ZBTB44: variants seen among roughly 807,000 people sequenced by gnomAD.
ZBTB44 encodes the protein zinc finger and BTB domain-containing protein 44.
Under a neutral mutation model 54.0 loss-of-function variants are expected in ZBTB44, and 15 were observed. The ratio of observed to expected loss-of-function variants is 0.28; its 90% CI spans 0.19 to 0.43. ZBTB44 has a LOEUF of 0.43. ZBTB44 is among the 20% of genes least tolerant of loss of function. The pLI, the probability that ZBTB44 is intolerant of heterozygous loss-of-function variation, is 1.00. For missense variants in ZBTB44, 487 were observed against 707.1 expected (o/e 0.69, Z 3.53); for synonymous variants, 230 against 250.1 (o/e 0.92, Z 0.76).
chr11:130,253,523 G>A (rs1341340311), intron 2 of ZBTB44, among the ~76,000 whole-genome samples: 1 of 152,124 alleles, frequency 6.6e-6, no homozygotes, highest in Non-Finnish European at 1.5e-5. Flanking sequence ...GGACATGAAG[G>A]AACTCTTCAA....
rs541840392 is a variant in ZBTB44 at position 130,255,388 on chromosome 11, C to T, written c.1018+5468G>A. ...CAAAGAGACAAGGTACCAGAATCTC[C>T]GGGACATGCTAAAGCACAGTTGAGA... On this transcript the variant is annotated intron_variant, in intron 2 of 7. Transcript: ENST00000357899. 1.6e-4 allele frequency among the ~76,000 whole-genome samples: 24 copies of T among 152,184 alleles called. No individual in the cohort carries two copies. The South Asian group carries it at 3.9e-3, about 25-fold the overall frequency.
Position 130,308,145 on chromosome 11 carries a change from C to T in ZBTB44, c.-57+6230G>A, listed in dbSNP as rs76579734. Among the ~76,000 whole-genome samples, 257 of 152,268 alleles carry T rather than the reference C, an allele frequency of 1.7e-3. 4 individuals are homozygous for T. In the East Asian group the frequency reaches 0.041, roughly 24 times the overall value. ...AGTACAGTAACATGCTGTACAGATA[C>T]GTGGCCTAGGAGCAACAGGCTATAC... On this transcript the variant is annotated intron_variant, in intron 1 of 7. Transcript: ENST00000357899.
intron 3 of ZBTB44, chr11:130,238,848 C>CT: frequency 2.9e-6 from 1 of 341,370 alleles, no homozygotes; most frequent in Non-Finnish European, 5.2e-6. Context: ...TCGTGTAGGG[C>CT]TTTAGAAGGC....
rs759318247 is a variant in ZBTB44, at chr11:130,261,224, T to C, written c.650A>G (p.Asn217Ser). ...VLNSSASYSE[N>S]RNQPVDSSLA... is the part of the protein sequence containing the mutation. Reference sequence around the variant, plus strand: ...GGAAGAGTCAACTGGTTGGTTTCTATTTTCTGAGTAGGAAGCTGAAGAATT... The same window carrying C: ...GGAAGAGTCAACTGGTTGGTTTCTACTTTCTGAGTAGGAAGCTGAAGAATT... The change falls in exon 2 of 8, where the codon AAT becomes AGT. Residue 217 changes from asparagine to serine, a missense_variant. Physicochemically the swap from Asn to Ser is conservative, Grantham distance 46. Around this residue, in one of 3 missense-constraint regions of ZBTB44, gnomAD observed 277 missense variants for 306.5 expected, o/e 0.90. Coordinates refer to ENST00000357899, the MANE Select transcript of ZBTB44 (RefSeq NM_001301098.2). This position sits in a 1 kb window ranked among gnomAD's most constrained non-coding sequence, Gnocchi z 4.8. The C allele has an allele frequency of 1.9e-5, 31 of 1,613,856 alleles. No homozygotes were observed.
intron 1 of ZBTB44, among the ~76,000 whole-genome samples, chr11:130,280,189 CA>C (rs1940403472): frequency 6.6e-6 from 1 of 151,954 alleles, no homozygotes; most frequent in South Asian, 2.1e-4. Context: ...AGTGCATTTG[CA>C]ATTATAATAA....
chr11:130,269,608 A>G (rs1272535409), intron 1 of ZBTB44, among the ~76,000 whole-genome samples: 1 of 152,252 alleles, frequency 6.6e-6, no homozygotes, highest in Non-Finnish European at 1.5e-5. Context: ...TACAAAAAAG[A>G]ACCTACAATT....
At chr11:130,258,679 G>C (rs1938618753) in intron 2 of ZBTB44, among the ~76,000 whole-genome samples, 1 of 152,182 alleles carries the variant, frequency 6.6e-6, no homozygotes, top group Non-Finnish European at 1.5e-5. Flanking sequence ...AAGACTATGT[G>C]ACACAGACTA....
intron 1 of ZBTB44, chr11:130,295,872 G>C (rs113633324): frequency 7.0e-7 from 1 of 1,432,518 alleles, no homozygotes; most frequent in Admixed American, 1.7e-5. Context: ...AGGAGCTAAA[G>C]ACTCACCACG....
At chr11:130,262,575 T>G (rs958220669) in intron 1 of ZBTB44, among the ~76,000 whole-genome samples, 2 of 152,192 alleles carry the variant, frequency 1.3e-5, no homozygotes, top group African/African-American at 4.8e-5. Context: ...CATATCTCTA[T>G]CAGTAGGCGT....
Position 130,233,307 on chromosome 11 carries a change from C to T in ZBTB44, c.*48+1G>A, listed in dbSNP as rs1391051889. On this transcript the variant is annotated splice_donor_variant, in intron 7 of 7. Transcript: ENST00000357899. LOFTEE classifies it low-confidence loss of function (3UTR_SPLICE). ...TTCCTATGAAGCTGGGATTTACATACTTCATTCTCCGTTCCTGGTCATTTC... is the reference window on the plus strand; with the variant it reads ...TTCCTATGAAGCTGGGATTTACATATTTCATTCTCCGTTCCTGGTCATTTC... 6.6e-7 allele frequency: 1 copy of T among 1,522,462 alleles called. No individual in the cohort carries two copies. The highest frequency in any genetic ancestry group is 1.4e-5 in the African/African-American group (1 of 72,424). 94.3% of individuals were successfully genotyped at this position (1,522,462 alleles called of 1,614,324 possible).
In ZBTB44 at chr11:130,261,113, AAAG is replaced by A; in HGVS notation, c.758_760del (p.Thr253_Leu254delinsIle). ...GGTCTCAGATGGGCCAGGTAATTCT[AAAG>A]TCCGGGTATTTTCTGCTTGCTTAAC... is the stretch of plus-strand genomic sequence containing the variant. On this transcript the variant is annotated inframe_deletion, in exon 2 of 8. Coordinates refer to ENST00000357899, the MANE Select transcript of ZBTB44 (RefSeq NM_001301098.2). The surrounding 1 kb of genome is among the most constrained non-coding windows in gnomAD (Gnocchi z 4.8). 1 of 1,613,982 alleles carries A rather than the reference AAAG, an allele frequency of 6.2e-7. No individual in the cohort carries two copies. The highest frequency in any genetic ancestry group is 1.3e-5 in the African/African-American group (1 of 75,040).
chr11:130,287,434 T>C (rs1194983730), intron 1 of ZBTB44, among the ~76,000 whole-genome samples: 1 of 152,232 alleles, frequency 6.6e-6, no homozygotes, highest in Non-Finnish European at 1.5e-5. Context: ...ATTAGTTTTT[T>C]CTCTGTGCTT....
intron 1 of ZBTB44, among the ~76,000 whole-genome samples, chr11:130,311,422 T>C (rs2134553913): frequency 6.6e-6 from 1 of 152,212 alleles, no homozygotes; most frequent in Admixed American, 6.5e-5. Context: ...TTGCCCAGGC[T>C]GGCCTTGAAC....
intron 2 of ZBTB44, among the ~76,000 whole-genome samples, chr11:130,251,950 G>GC (rs532352526): frequency 9.3e-4 from 142 of 152,258 alleles, no homozygotes; most frequent in African/African-American, 3.2e-3. Context: ...TGGGCTAAAT[G>GC]CCCCAATTAA....
At position 130,227,528 on chromosome 11, in the gene ZBTB44, C is replaced by G. The variant is rs1001083886; in HGVS notation, c.*4236G>C. 2.9e-4 allele frequency: 44 copies of G among 152,244 alleles called. No individual in the cohort carries two copies. Among genetic ancestry groups the G allele is most frequent in the African/African-American group, 1.0e-3 (43 of 41,522 alleles). 9.4% of individuals were successfully genotyped at this position (152,244 alleles called of 1,614,324 possible). On this transcript the variant is annotated 3_prime_UTR_variant, in exon 8 of 8. Coordinates refer to ENST00000357899, the MANE Select transcript of ZBTB44 (RefSeq NM_001301098.2). ...GCTATAACTGGCAGGGTAAAAAAGT[C>G]CCCCCGCCCCGACTTCCTTGCTGCC... is the stretch of plus-strand genomic sequence containing the variant.
chr11:130,288,412 A>G (rs1426502941), intron 1 of ZBTB44, among the ~76,000 whole-genome samples: 1 of 152,010 alleles, frequency 6.6e-6, no homozygotes, highest in Non-Finnish European at 1.5e-5. Context: ...AAAATAAAAA[A>G]ATAACATTTC....
chr11:130,302,206 T>G (rs1592071107), intron 1 of ZBTB44, among the ~76,000 whole-genome samples: 1 of 152,164 alleles, frequency 6.6e-6, no homozygotes, highest in African/African-American at 2.4e-5. Context: ...GGTATCTTCA[T>G]TTACCAGTGA....
At chr11:130,260,803 A>G in intron 2 of ZBTB44, 53 bp downstream of exon 2, 1 of 1,518,580 alleles carries the variant, frequency 6.6e-7, no homozygotes, top group South Asian at 1.3e-5. Flanking sequence ...CAGGAACTTA[A>G]AAATGTTTGA....
At chr11:130,272,725 C>T (rs967172624) in intron 1 of ZBTB44, among the ~76,000 whole-genome samples, 4 of 149,836 alleles carry the variant, frequency 2.7e-5, no homozygotes, top group African/African-American at 4.9e-5. Flanking sequence ...AGTTTCAGGC[C>T]TTTAACCTAT....
Sources: allele counts gnomAD v4.1 joint callset (sites outside exome capture counted in the v4.1 genomes callset), GRCh38; gene constraint gnomAD v4.1.1; regional missense constraint gnomAD v4.1.1; non-coding constraint Gnocchi (gnomAD v3.1); transcripts MANE v1.5; gene names NCBI Gene and HGNC (gene_info 2026-07-23, HGNC 2026-07-21).